The following PAIP2 variants were observed in gnomAD, a reference collection of about 807,000 sequenced individuals.
PAIP2 encodes the protein polyadenylate-binding protein-interacting protein 2.
Under a neutral mutation model 14.8 loss-of-function variants are expected in PAIP2, and 7 were observed. The ratio of observed to expected loss-of-function variants is 0.47; its 90% CI spans 0.27 to 0.89. The LOEUF (loss-of-function observed/expected upper bound fraction) is 0.89. Among genes scored for constraint, PAIP2 ranks in the 40% least tolerant of loss-of-function variants. PAIP2 has a pLI of 0.13. For synonymous variants in PAIP2, 47 were observed against 45.3 expected, an observed-to-expected ratio of 1.04 and a Z score of -0.15; for missense variants, 122 against 154.7, an observed-to-expected ratio of 0.79 and a Z score of 1.12.
intron 1 of PAIP2, among the ~76,000 whole-genome samples, chr5:139,363,470 C>T (rs1166716799): frequency 6.6e-6 from 1 of 152,110 alleles, no homozygotes; most frequent in Non-Finnish European, 1.5e-5. Context: ...CATATAATCC[C>T]AGCACTTTGA....
At chr5:139,353,877 A>T (rs1756827989) in intron 1 of PAIP2, among the ~76,000 whole-genome samples, 1 of 151,648 alleles carries the variant, frequency 6.6e-6, no homozygotes, top group South Asian at 2.1e-4. Flanking sequence ...CTGCCACCAC[A>T]CCCACCTAAT....
chr5:139,368,204 G>A lies in PAIP2; in HGVS notation c.319-529G>A, dbSNP rs1757404793. ...CAACAAAAAATTAGCTGGGCGTGGC[G>A]GTGGGCGCCTGTAGTCCCAGCTACT... On this transcript the variant is annotated intron_variant, in intron 3 of 3. Transcript: ENST00000265192. Among the ~76,000 whole-genome samples the A allele has an allele frequency of 2.0e-5, 3 of 152,302 alleles. No individual in the cohort carries two copies. In the South Asian group the frequency reaches 6.2e-4, roughly 32 times the overall value.
At position 139,352,488 on chromosome 5, in the gene PAIP2, G is replaced by GTTTTTTTTTTTT. The variant is rs1185620394; in HGVS notation, c.-27+10518_-27+10519insTTTTTTTTTTTT. 1.4e-3 allele frequency among the ~76,000 whole-genome samples: 135 copies of GTTTTTTTTTTTT among 94,806 alleles called. 5 individuals carry two copies. Among genetic ancestry groups the GTTTTTTTTTTTT allele is most frequent in the African/African-American group, 3.4e-3 (106 of 31,586 alleles). 62.2% of individuals were successfully genotyped at this position (94,806 alleles called of 152,430 possible). ...TGGCTTTCTCAGTTAATTCCTGCCA[G>GTTTTTTTTTTTT]TTTTTTTTTTGTTGTTTTTTTTTTT... On this transcript the variant is annotated intron_variant, in intron 1 of 3. Coordinates refer to ENST00000265192, the MANE Select transcript of PAIP2 (RefSeq NM_016480.5).
At chr5:139,342,337 C>G (rs375285495) in intron 1 of PAIP2, 10 of 152,324 alleles carry the variant, frequency 6.6e-5, no homozygotes, top group East Asian at 1.9e-4. Flanking sequence ...TCCCCTGCCC[C>G]CCTCCCACCG....
rs569594089 is a variant in PAIP2 at position 139,363,678 on chromosome 5, G to A, written c.-26-81G>A. 73 of 1,245,736 alleles carry A rather than the reference G, an allele frequency of 5.9e-5. 1 individual carries two copies. In the South Asian group the frequency reaches 1.0e-3, roughly 17 times the overall value. The allele number at this position is 1,245,736 out of a possible 1,614,324, so 77.2% of individuals were successfully genotyped here. ...TGATCACACCATTGCACTCCAGCCT[G>A]GATGACGGAGTGAAACCTTGTCTCA... On this transcript the variant is annotated intron_variant, in intron 1 of 3. Coordinates refer to ENST00000265192, the MANE Select transcript of PAIP2 (RefSeq NM_016480.5).
intron 2 of PAIP2, 51 bp from the exon 3 acceptor site, chr5:139,364,513 C>T (rs762966455): frequency 4.6e-6 from 5 of 1,088,060 alleles, no homozygotes; most frequent in Non-Finnish European, 6.9e-6. Context: ...TAAGCCATTC[C>T]TAGTGATATC....
At chr5:139,360,161 T>G (rs1757027345) in intron 1 of PAIP2, among the ~76,000 whole-genome samples, 1 of 151,560 alleles carries the variant, frequency 6.6e-6, no homozygotes, top group African/African-American at 2.4e-5. Flanking sequence ...GAGACGGGAT[T>G]TCACCATATT....
intron 1 of PAIP2, among the ~76,000 whole-genome samples, chr5:139,346,808 C>A (rs1295201893): frequency 6.6e-6 from 1 of 151,982 alleles, no homozygotes; most frequent in African/African-American, 2.4e-5. Context: ...GCGTGAGCTG[C>A]TGCGCCCAGC....
intron 1 of PAIP2, among the ~76,000 whole-genome samples, chr5:139,348,114 T>G (rs1756610778): frequency 6.6e-6 from 1 of 150,968 alleles, no homozygotes; most frequent in African/African-American, 2.4e-5. Context: ...CAGCTGCACT[T>G]TAGCCTGGGC....
intron 1 of PAIP2, among the ~76,000 whole-genome samples, chr5:139,348,214 G>A (rs929725825): frequency 6.6e-6 from 1 of 151,674 alleles, no homozygotes; most frequent in African/African-American, 2.4e-5. Flanking sequence ...TTTGAGACAG[G>A]GTCTTGCTGT....
chr5:139,361,400 G>A (rs764360617), intron 1 of PAIP2, among the ~76,000 whole-genome samples: 1 of 152,096 alleles, frequency 6.6e-6, no homozygotes, highest in Non-Finnish European at 1.5e-5. Flanking sequence ...TGACAAATGT[G>A]AGGTAAGCAG....
chr5:139,348,559 G>A (rs1046084191), intron 1 of PAIP2, among the ~76,000 whole-genome samples: 26 of 151,620 alleles, frequency 1.7e-4, no homozygotes, highest in Admixed American at 1.1e-3. Context: ...GGGTTTCACC[G>A]TGTTAGCCAA....
chr5:139,343,790 C>T (rs1044604148), intron 1 of PAIP2, among the ~76,000 whole-genome samples: 2 of 145,416 alleles, frequency 1.4e-5, no homozygotes. Flanking sequence ...GCAATTGGCT[C>T]ACTGCAACCT....
intron 3 of PAIP2, 46 bp from the exon 4 acceptor site, chr5:139,368,687 T>C: frequency 7.5e-7 from 1 of 1,327,316 alleles, no homozygotes; most frequent in Non-Finnish European, 1.1e-6. Flanking sequence ...AATTAGTACC[T>C]GAAACTGTGT....
chr5:139,348,558 C>T (rs949985245), intron 1 of PAIP2, among the ~76,000 whole-genome samples: 2 of 151,472 alleles, frequency 1.3e-5, no homozygotes, highest in Non-Finnish European at 2.9e-5. Context: ...GGGGTTTCAC[C>T]GTGTTAGCCA....
chr5:139,363,522 A>G (rs968351998), intron 1 of PAIP2, among the ~76,000 whole-genome samples: 1 of 151,974 alleles, frequency 6.6e-6, no homozygotes, highest in African/African-American at 2.4e-5. Context: ...GAAATTTGAG[A>G]CCAGCTTGGG....
chr5:139,359,076 A>G (rs937762225), intron 1 of PAIP2, among the ~76,000 whole-genome samples: 28 of 152,018 alleles, frequency 1.8e-4, no homozygotes, highest in Non-Finnish European at 2.5e-4. Flanking sequence ...TCGGGCTAAT[A>G]TGATCTTCCC....
At chr5:139,364,440 TAGCA>T in intron 2 of PAIP2, 120 bp from the exon 3 acceptor site, 4 of 566,574 alleles carry the variant, frequency 7.1e-6, no homozygotes, top group Non-Finnish European at 1.2e-5. Context: ...TTTTTTTCCT[TAGCA>T]TGGAAGCAGA....
chr5:139,354,708 C>A (rs1329358659), intron 1 of PAIP2, among the ~76,000 whole-genome samples: 1 of 152,018 alleles, frequency 6.6e-6, no homozygotes, highest in Non-Finnish European at 1.5e-5. Context: ...CCTCATTCTG[C>A]TTCTCAGACT....
Sources: allele counts gnomAD v4.1 joint callset (sites outside exome capture counted in the v4.1 genomes callset), GRCh38; gene constraint gnomAD v4.1.1; transcripts MANE v1.5; gene names NCBI Gene and HGNC (gene_info 2026-07-23, HGNC 2026-07-21).